RPL27A: variants seen among roughly 807,000 people sequenced by gnomAD.
The protein encoded by RPL27A is ribosomal protein L27a, also known as large ribosomal subunit protein uL15.
For synonymous variants in RPL27A, 69 were observed against 68.3 expected (o/e 1.01, Z -0.05); for missense variants, 118 against 189.4 (o/e 0.62, Z 2.21).
rs892508713 is a variant in RPL27A at position 8,689,527 on chromosome 11, AC to A, written c.*3722del. On this transcript the variant is annotated 3_prime_UTR_variant, in exon 5 of 5. Coordinates refer to ENST00000314138, the MANE Select transcript of RPL27A (RefSeq NM_000990.5). ...AAAGTATCTTGAGAAAAAAAAAAAA[AC>A]TACCAGAACTTGCCGTTGCTGAAAA... 23 of 152,074 alleles carry A rather than the reference AC, an allele frequency of 1.5e-4. No individual in the cohort carries two copies. Among genetic ancestry groups the A allele is most frequent in the African/African-American group, 5.3e-4 (22 of 41,398 alleles). The allele number at this position is 152,074 out of a possible 1,614,324, so 9.4% of individuals were successfully genotyped here. A position where few individuals can be genotyped will look rare whatever the true frequency, so the allele number is the denominator to read the frequency against.
chr11:8,685,670 T>G lies in RPL27A; in HGVS notation c.319-8T>G, dbSNP rs1374156825. ...GTGTATTGTAAACTTTTTTCTCTGT[T>G]CTTCTAGGGCTACTACAAAGTTCTG... is the stretch of plus-strand genomic sequence containing the variant. On this transcript the variant is annotated splice_polypyrimidine_tract_variant and splice_region_variant and intron_variant, in intron 4 of 4. Transcript: ENST00000314138. 6.2e-7 allele frequency: 1 copy of G among 1,614,122 alleles called. No individual in the cohort carries two copies.
rs2039584473 is a variant in RPL27A, at chr11:8,686,067, G to A, written c.*261G>A. ...GATCACTGAAAGGCCTGCATGTATT[G>A]TACTCTGAATTTTACAGTGAATGAG... On this transcript the variant is annotated 3_prime_UTR_variant, in exon 5 of 5. Coordinates refer to ENST00000314138, the MANE Select transcript of RPL27A (RefSeq NM_000990.5). 2.5e-6 allele frequency: 1 copy of A among 407,790 alleles called. No homozygotes were observed. The highest frequency in any genetic ancestry group is 4.5e-6 in the Non-Finnish European group (1 of 222,186). 25.3% of individuals were successfully genotyped at this position (407,790 alleles called of 1,614,324 possible). A position where few individuals can be genotyped will look rare whatever the true frequency, so the allele number is the denominator to read the frequency against.
rs2039615281 is a variant in RPL27A at position 8,689,145 on chromosome 11, C to T, written c.*3339C>T. On this transcript the variant is annotated 3_prime_UTR_variant, in exon 5 of 5. Coordinates refer to ENST00000314138, the MANE Select transcript of RPL27A (RefSeq NM_000990.5). ...GAGAGGCGGGATGTTCAACTCCACC[C>T]CTGGTCCTTGGGCGGCCGTGGGTCC... 1 of 152,308 alleles carries T rather than the reference C, an allele frequency of 6.6e-6. No individual in the cohort carries two copies. Among genetic ancestry groups the T allele is most frequent in the Non-Finnish European group, 1.5e-5 (1 of 68,088 alleles). The allele number at this position is 152,308 out of a possible 1,614,324, so 9.4% of individuals were successfully genotyped here.
rs986369065 is a variant in RPL27A at position 8,684,097 on chromosome 11, C to T, written c.143+16C>T. 1.9e-6 allele frequency: 3 copies of T among 1,606,290 alleles called. No homozygotes were observed. Among genetic ancestry groups the T allele is most frequent in the Non-Finnish European group, 2.6e-6 (3 of 1,173,414 alleles). On this transcript the variant is annotated intron_variant, in intron 3 of 4. Coordinates refer to ENST00000314138, the MANE Select transcript of RPL27A (RefSeq NM_000990.5). ...TCGACAAATAGTAAGTGTCCTTGGA[C>T]TGCTTTTATTGACACAGCTTGGGAG...
Position 8,686,015 on chromosome 11 carries a change from G to A in RPL27A, c.*209G>A, listed in dbSNP as rs899587252. On this transcript the variant is annotated 3_prime_UTR_variant, in exon 5 of 5. Transcript: ENST00000314138. ...AGACGTTGGCCAGTTAAACATTTCTGTTTATAAAGTCAGAATAATACCTGT... is the reference window on the plus strand; with the variant it reads ...AGACGTTGGCCAGTTAAACATTTCTATTTATAAAGTCAGAATAATACCTGT... 1.1e-5 allele frequency: 6 copies of A among 547,504 alleles called. No individual in the cohort carries two copies. Among genetic ancestry groups the A allele is most frequent in the Non-Finnish European group, 2.0e-5 (6 of 306,270 alleles). The allele number at this position is 547,504 out of a possible 1,614,324, so 33.9% of individuals were successfully genotyped here.
At chr11:8,685,192 T>C (rs2039574642) in intron 4 of RPL27A, 2 of 467,722 alleles carry the variant, frequency 4.3e-6, no homozygotes, top group Non-Finnish European at 3.9e-6. Context: ...CTCAGTGCCA[T>C]GCATTATCTG....
At position 8,689,470 on chromosome 11, in the gene RPL27A, T is replaced by C. The variant is rs1045272895; in HGVS notation, c.*3664T>C. The C allele has an allele frequency of 6.6e-6, 1 of 152,166 alleles. No individual in the cohort carries two copies. Among genetic ancestry groups the C allele is most frequent in the Non-Finnish European group, 1.5e-5 (1 of 68,042 alleles). The allele number at this position is 152,166 out of a possible 1,614,324, so 9.4% of individuals were successfully genotyped here. On this transcript the variant is annotated 3_prime_UTR_variant, in exon 5 of 5. Transcript: ENST00000314138. ...AGTTTTTTGTTCAACCCAATGCGTA[T>C]TTTCATATTGAGAGGCAATATAAAT...
At chr11:8,682,913 G>GAGT in intron 1 of RPL27A, 97 bp downstream of exon 1, 2 of 1,457,300 alleles carry the variant, frequency 1.4e-6, no homozygotes, top group Non-Finnish European at 9.3e-7. Flanking sequence ...CCATGGTCGG[G>GAGT]GCTTCCAGGC....
rs376970082 is a variant in RPL27A, at chr11:8,689,259, T to C, written c.*3453T>C. On this transcript the variant is annotated 3_prime_UTR_variant, in exon 5 of 5. Transcript: ENST00000314138. ...ACAGTGGGCGTGGCCTTTACGTAAA[T>C]CTTCGAGATGGGAACCTCCAGAATT... The C allele has an allele frequency of 3.2e-4, 49 of 152,292 alleles. No individual in the cohort carries two copies. The East Asian group carries it at 7.3e-3, about 23-fold the overall frequency. 9.4% of individuals were successfully genotyped at this position (152,292 alleles called of 1,614,324 possible).
rs1267085959 is a variant in RPL27A at position 8,686,089 on chromosome 11, TGAGA to T, written c.*286_*289del. 2 of 342,950 alleles carry T rather than the reference TGAGA, an allele frequency of 5.8e-6. No individual in the cohort carries two copies. Among genetic ancestry groups the T allele is most frequent in the African/African-American group, 4.1e-5 (2 of 48,582 alleles). 21.2% of individuals were successfully genotyped at this position (342,950 alleles called of 1,614,324 possible). Reference sequence around the variant, plus strand: ...ATTGTACTCTGAATTTTACAGTGAATGAGAGAATGTACCCTAATTGTTCAACAGG... The same window carrying T: ...ATTGTACTCTGAATTTTACAGTGAATGAATGTACCCTAATTGTTCAACAGG... On this transcript the variant is annotated 3_prime_UTR_variant, in exon 5 of 5. Coordinates refer to ENST00000314138, the MANE Select transcript of RPL27A (RefSeq NM_000990.5).
chr11:8,685,121 A>C, intron 4 of RPL27A: 1 of 577,402 alleles, frequency 1.7e-6, no homozygotes, highest in South Asian at 2.0e-5. Context: ...GTTTTCACTG[A>C]GCACAGCTCT....
At position 8,689,130 on chromosome 11, in the gene RPL27A, A is replaced by C. The variant is rs1592239411; in HGVS notation, c.*3324A>C. The C allele has an allele frequency of 6.6e-6, 1 of 152,182 alleles. No homozygotes were observed. Among genetic ancestry groups the C allele is most frequent in the Non-Finnish European group, 1.5e-5 (1 of 68,048 alleles). 9.4% of individuals were successfully genotyped at this position (152,182 alleles called of 1,614,324 possible). On this transcript the variant is annotated 3_prime_UTR_variant, in exon 5 of 5. Transcript: ENST00000314138. ...CAGATAACTCCCCTGGAGAGGCGGG[A>C]TGTTCAACTCCACCCCTGGTCCTTG...
At chr11:8,682,857 A>G (rs1456257768) in intron 1 of RPL27A, 41 bp downstream of exon 1, 1 of 1,601,212 alleles carries the variant, frequency 6.2e-7, no homozygotes, top group Non-Finnish European at 8.5e-7. Flanking sequence ...TTGCCGGCGG[A>G]GACCCCTAAG....
At chr11:8,683,953 G>T in intron 2 of RPL27A, 53 bp from the exon 3 acceptor site, 3 of 1,453,616 alleles carry the variant, frequency 2.1e-6, no homozygotes, top group Non-Finnish European at 2.9e-6. Context: ...AAAATGCTGG[G>T]ATTACAGGCA....
In RPL27A at chr11:8,682,971, G is replaced by T. The variant is rs192404439; in HGVS notation, c.3+155G>T. The T allele has an allele frequency of 4.2e-5, 45 of 1,064,396 alleles. No individual in the cohort carries two copies. In the Admixed American group the frequency reaches 7.9e-4, roughly 19 times the overall value. 65.9% of individuals were successfully genotyped at this position (1,064,396 alleles called of 1,614,324 possible). On this transcript the variant is annotated intron_variant, in intron 1 of 4. Coordinates refer to ENST00000314138, the MANE Select transcript of RPL27A (RefSeq NM_000990.5). ...AGGGTGGCCGGCGCGGGCCCGGGGC[G>T]GGGCTCCCGGAGCCGTGTGTTAGGC...
In RPL27A at chr11:8,682,794, T is replaced by A. The variant is rs866351071; in HGVS notation, c.-20T>A. On this transcript the variant is annotated 5_prime_UTR_variant, in exon 1 of 5. Transcript: ENST00000314138. ...CGCGAGACTTGGCGAAGGCCTTCCT[T>A]TTTCGTCTGGGCTGCCAACATGGTA... 1.2e-6 allele frequency: 2 copies of A among 1,613,346 alleles called. No homozygotes were observed. The highest frequency in any genetic ancestry group is 1.7e-6 in the Non-Finnish European group (2 of 1,179,624).
chr11:8,685,621 A>G (rs2039579888), intron 4 of RPL27A, 57 bp from the exon 5 acceptor site: 2 of 1,598,662 alleles, frequency 1.3e-6, no homozygotes, highest in South Asian at 1.1e-5. Flanking sequence ...CCTCACGCCC[A>G]TCACGCAGTT....
At position 8,683,218 on chromosome 11, in the gene RPL27A, A is replaced by G. The variant is rs758373208; in HGVS notation, c.20A>G (p.Lys7Arg). The G allele has an allele frequency of 6.2e-7, 1 of 1,614,248 alleles. No individual in the cohort carries two copies. The highest frequency in any genetic ancestry group is 8.5e-7 in the Non-Finnish European group (1 of 1,180,034). The part of the protein sequence containing the change: MPSRLR[K>R]TRKLRGHVSH... Reference sequence around the variant, plus strand: ...TCCACACAGCCATCCAGACTGAGGAAGACCCGGAAACTTAGGGGCCACGTG... The same window carrying G: ...TCCACACAGCCATCCAGACTGAGGAGGACCCGGAAACTTAGGGGCCACGTG... The change falls in exon 2 of 5, where the codon AAG becomes AGG. Residue 7 changes from lysine (K) to arginine (R), a missense_variant. Physicochemically the swap from Lys to Arg is conservative, Grantham distance 26. Coordinates refer to ENST00000314138, the MANE Select transcript of RPL27A (RefSeq NM_000990.5).
chr11:8,685,785 G>C lies in RPL27A; in HGVS notation c.426G>C (p.Gly142=). 2 of 1,613,900 alleles carry C rather than the reference G, an allele frequency of 1.2e-6. No individual in the cohort carries two copies. The highest frequency in any genetic ancestry group is 1.7e-6 in the Non-Finnish European group (2 of 1,179,854). ...AGGAGAAGATTAAGAGTGTTGGGGG[G>C]GCCTGTGTCCTGGTGGCTTGAAGCC... ...RAEEKIKSVG[G]ACVLVA Residue 142 remains glycine, a synonymous_variant, in exon 5 of 5, where the codon GGG becomes GGC. Coordinates refer to ENST00000314138, the MANE Select transcript of RPL27A (RefSeq NM_000990.5).
Sources: gnomAD v4.1 joint callset for allele counts on GRCh38, gnomAD v4.1.1 for gene constraint, MANE v1.5 for transcripts, NCBI Gene and HGNC (gene_info 2026-07-23, HGNC 2026-07-21) for gene names.